Variants in NCK1 observed in about 807,000 individuals in gnomAD.
NCK1 encodes SH2/SH3 adapter protein NCK1.
Under a neutral mutation model 36.6 loss-of-function variants are expected in NCK1, and 19 were observed. The observed-to-expected ratio is 0.52, with a 90% CI of 0.36 to 0.76. The LOEUF is 0.76. Among genes scored for constraint, NCK1 ranks in the 30% least tolerant of loss-of-function variants. The pLI, the probability that NCK1 is intolerant of heterozygous loss-of-function variation, is 0.00. For synonymous variants in NCK1, 165 were observed against 156.0 expected (o/e 1.06, Z -0.43); for missense variants, 358 against 445.6 (o/e 0.80, Z 1.77).
At chr3:136,915,108 C>CT (rs1434356055) in intron 1 of NCK1, among the ~76,000 whole-genome samples, 4 of 150,122 alleles carry the variant, frequency 2.7e-5, no homozygotes, top group African/African-American at 9.7e-5. Context: ...CCAAATAAGC[C>CT]TTTTTTCTTT....
intron 1 of NCK1, among the ~76,000 whole-genome samples, chr3:136,911,375 C>T (rs1939824214): frequency 1.3e-5 from 2 of 152,196 alleles, no homozygotes; most frequent in Admixed American, 6.5e-5. Flanking sequence ...TCCCCACCAG[C>T]AATGTACAAA....
At chr3:136,927,044 T>C (rs1224557612) in intron 1 of NCK1, among the ~76,000 whole-genome samples, 1 of 152,212 alleles carries the variant, frequency 6.6e-6, no homozygotes, top group Non-Finnish European at 1.5e-5. Context: ...CGATCTTGGC[T>C]AACTGCAACC....
At chr3:136,915,688 A>C (rs2108116193) in intron 1 of NCK1, among the ~76,000 whole-genome samples, 1 of 152,222 alleles carries the variant, frequency 6.6e-6, no homozygotes, top group South Asian at 2.1e-4. Flanking sequence ...CCAGAGCAGA[A>C]GGAAGAGAGT....
intron 1 of NCK1, among the ~76,000 whole-genome samples, chr3:136,905,593 G>A (rs1939663133): frequency 6.6e-6 from 1 of 151,944 alleles, no homozygotes; most frequent in East Asian, 1.9e-4. Flanking sequence ...TTTAAAATCA[G>A]TATTTGAGTT....
chr3:136,899,556 C>T, intron 1 of NCK1: 3 of 563,602 alleles, frequency 5.3e-6, no homozygotes, highest in Non-Finnish European at 1.0e-5. Flanking sequence ...GTTATTAGCA[C>T]TATTGCCATC....
chr3:136,880,777 T>C (rs1398927701), intron 1 of NCK1, among the ~76,000 whole-genome samples: 1 of 152,098 alleles, frequency 6.6e-6, no homozygotes, highest in Non-Finnish European at 1.5e-5. Flanking sequence ...CTAGCTAATT[T>C]TTTGACCCTT....
chr3:136,943,055 G>A (rs1252020867), intron 2 of NCK1, among the ~76,000 whole-genome samples: 5 of 152,150 alleles, frequency 3.3e-5, no homozygotes, highest in African/African-American at 1.2e-4. Context: ...GGGATGGTGG[G>A]CAGGCAACTT....
intron 1 of NCK1, among the ~76,000 whole-genome samples, chr3:136,896,288 A>G (rs975157200): frequency 5.3e-5 from 8 of 152,138 alleles, no homozygotes; most frequent in African/African-American, 1.9e-4. Flanking sequence ...TTCATTACCT[A>G]CCACCCATGT....
intron 2 of NCK1, among the ~76,000 whole-genome samples, chr3:136,941,316 G>GACGA (rs1576991590): frequency 6.6e-6 from 1 of 151,784 alleles, no homozygotes; most frequent in East Asian, 1.9e-4. Flanking sequence ...TTTTGGTAGA[G>GACGA]ACGAGGTCTC....
chr3:136,887,513 A>G (rs1939104596), intron 1 of NCK1, among the ~76,000 whole-genome samples: 1 of 152,198 alleles, frequency 6.6e-6, no homozygotes, highest in Non-Finnish European at 1.5e-5. Flanking sequence ...GATAAAGTTT[A>G]TATTTTCCTG....
chr3:136,900,739 G>T (rs1027007374), intron 1 of NCK1, among the ~76,000 whole-genome samples: 2 of 152,022 alleles, frequency 1.3e-5, no homozygotes, highest in Non-Finnish European at 2.9e-5. Flanking sequence ...ACAGATGGAT[G>T]CATATTGATT....
chr3:136,873,069 A>T (rs997026311), intron 1 of NCK1, among the ~76,000 whole-genome samples: 3 of 152,168 alleles, frequency 2.0e-5, no homozygotes, highest in Admixed American at 6.5e-5. Flanking sequence ...CTGTGAGAAG[A>T]GGGCCACCAT....
intron 1 of NCK1, among the ~76,000 whole-genome samples, chr3:136,876,887 T>C (rs183504202): frequency 6.6e-6 from 1 of 152,328 alleles, no homozygotes; most frequent in Non-Finnish European, 1.5e-5. Flanking sequence ...GTTTCAAAGA[T>C]ACAGATGTTT....
Position 136,945,927 on chromosome 3 carries a change from G to C in NCK1, c.571G>C (p.Val191Leu). The change falls in exon 3 of 4, where the codon GTG becomes CTG. Residue 191 changes from valine (V) to leucine (L), a missense_variant. Around this residue, in one of 3 missense-constraint regions of NCK1, gnomAD observed 207 missense variants for 253.4 expected, o/e 0.82. Transcript: ENST00000481752. ...AVVNNLNTGQVLHVVQALYPF... is the reference protein window; with the variant it reads ...AVVNNLNTGQLLHVVQALYPF... ...CGTCAATAACCTAAATACTGGGCAAGTGTTGCATGTGGTACAGGCTCTTTA... is the reference window on the plus strand; with the variant it reads ...CGTCAATAACCTAAATACTGGGCAACTGTTGCATGTGGTACAGGCTCTTTA... The C allele has an allele frequency of 6.2e-7, 1 of 1,614,100 alleles. No homozygotes were observed. Among genetic ancestry groups the C allele is most frequent in the Non-Finnish European group, 8.5e-7 (1 of 1,180,012 alleles).
intron 1 of NCK1, among the ~76,000 whole-genome samples, chr3:136,867,109 T>C (rs13073883): frequency 2.9e-3 from 94 of 32,852 alleles, no homozygotes; most frequent in South Asian, 4.1e-3. Context: ...TCTTTCTTTC[T>C]TTCTTTCTTT....
At chr3:136,884,649 C>G (rs535513807) in intron 1 of NCK1, among the ~76,000 whole-genome samples, 1 of 151,652 alleles carries the variant, frequency 6.6e-6, no homozygotes, top group Admixed American at 6.6e-5. Context: ...TCATGTTGGC[C>G]AGGCTGGTCT....
intron 1 of NCK1, among the ~76,000 whole-genome samples, chr3:136,893,960 G>GTTGCC (rs1178409533): frequency 6.6e-6 from 1 of 152,094 alleles, no homozygotes; most frequent in Non-Finnish European, 1.5e-5. Context: ...TGAGCCTTTA[G>GTTGCC]TTGCCTTGCC....
chr3:136,939,265 A>G (rs1022611901), intron 2 of NCK1, among the ~76,000 whole-genome samples: 2 of 152,094 alleles, frequency 1.3e-5, no homozygotes, highest in Non-Finnish European at 2.9e-5. Context: ...ATTGGCATAC[A>G]GTTGTTCATA....
At position 136,927,975 on chromosome 3, in the gene NCK1, T is replaced by G; in HGVS notation, c.-18-9T>G. The G allele has an allele frequency of 6.5e-7, 1 of 1,545,168 alleles. No individual in the cohort carries two copies. The highest frequency in any genetic ancestry group is 8.9e-7 in the Non-Finnish European group (1 of 1,120,278). The stretch of plus-strand genomic sequence containing the variant: ...ACCTTACATAAAAATATTTTCCATG[T>G]GTTTACAGTGCTGAAGCTGCTGAAA... On this transcript the variant is annotated splice_polypyrimidine_tract_variant and intron_variant, in intron 1 of 3. Transcript: ENST00000481752.
Sources: gnomAD v4.1 joint callset for allele counts (sites outside exome capture counted in the v4.1 genomes callset) on GRCh38, gnomAD v4.1.1 for gene constraint, gnomAD v4.1.1 regional missense constraint, MANE v1.5 for transcripts, NCBI Gene and HGNC (gene_info 2026-07-23, HGNC 2026-07-21) for gene names.